Variants in SEL1L2 observed in about 807,000 individuals in gnomAD.
SEL1L2 encodes the protein protein sel-1 homolog 2.
A neutral mutation model predicts 98.8 loss-of-function variants in SEL1L2; 89 were observed. That is an observed-to-expected ratio of 0.90 (90% CI 0.76 to 1.07). The LOEUF (loss-of-function observed/expected upper bound fraction) is 1.07, where lower values mean the gene tolerates loss of function less well. Ranked by LOEUF, SEL1L2 falls within the 50% of genes least tolerant of loss-of-function variation. SEL1L2 has a pLI of 0.00. For synonymous variants in SEL1L2, 262 were observed against 278.5 expected (o/e 0.94, Z 0.59); for missense variants, 788 against 812.0 (o/e 0.97, Z 0.36).
rs746494155 is a variant in SEL1L2, at chr20:13,886,313, G to C, written c.875C>G (p.Ala292Gly). The C allele has an allele frequency of 1.1e-5, 17 of 1,610,092 alleles. No homozygotes were observed. The South Asian group carries it at 1.9e-4, about 18-fold the overall frequency. ...WDIYQYYKFL[A>G]ERGDVQIQVS... is the part of the protein sequence containing the mutation. ...TTGTATCTGAACATCTCCTCTTTCTGCCAAAAATTTATAGTATTGGTATAT... is the reference window on the plus strand; with the variant it reads ...TTGTATCTGAACATCTCCTCTTTCTCCCAAAAATTTATAGTATTGGTATAT... The change falls in exon 9 of 20, where the codon GCA becomes GGA. Residue 292 changes from alanine (A) to glycine (G), a missense_variant. Transcript: ENST00000284951.
chr20:13,871,380 CA>C (rs1228540948), intron 12 of SEL1L2, among the ~76,000 whole-genome samples: 1 of 152,098 alleles, frequency 6.6e-6, no homozygotes, highest in African/African-American at 2.4e-5. Flanking sequence ...TGATATTTAG[CA>C]TATCAATTTT....
At chr20:13,858,414 G>C (rs575468422) in intron 18 of SEL1L2, among the ~76,000 whole-genome samples, 7 of 151,888 alleles carry the variant, frequency 4.6e-5, no homozygotes, top group Admixed American at 4.6e-4. Flanking sequence ...TCAAATTCTG[G>C]CTCCACCATT....
chr20:13,867,782 CT>C (rs2045996949), intron 14 of SEL1L2, among the ~76,000 whole-genome samples: 1 of 152,154 alleles, frequency 6.6e-6, no homozygotes, highest in South Asian at 2.1e-4. Context: ...ATTCTAGAAA[CT>C]TGGGAAATCT....
chr20:13,849,856 C>T (rs757382045), intron 19 of SEL1L2, among the ~76,000 whole-genome samples: 13 of 152,184 alleles, frequency 8.5e-5, no homozygotes, highest in Admixed American at 2.0e-4. Flanking sequence ...TATCCCTTGC[C>T]ACCTGCCGTC....
At chr20:13,954,619 C>T (rs1455039928) in intron 2 of SEL1L2, among the ~76,000 whole-genome samples, 2 of 152,106 alleles carry the variant, frequency 1.3e-5, no homozygotes, top group African/African-American at 4.8e-5. Context: ...TTGTCCCAGG[C>T]TTTACAAGGT....
chr20:13,922,895 G>A (rs1490913733), intron 3 of SEL1L2, among the ~76,000 whole-genome samples: 2 of 152,098 alleles, frequency 1.3e-5, no homozygotes, highest in Non-Finnish European at 2.9e-5. Context: ...GAGAAATGCA[G>A]CACAGAGCAT....
intron 2 of SEL1L2, among the ~76,000 whole-genome samples, chr20:13,948,418 C>A (rs2050116296): frequency 6.6e-6 from 1 of 151,900 alleles, no homozygotes; most frequent in South Asian, 2.1e-4. Flanking sequence ...ACATATAGAC[C>A]AATGGAATAG....
chr20:13,910,535 C>T (rs1298414777), intron 5 of SEL1L2, among the ~76,000 whole-genome samples: 3 of 152,226 alleles, frequency 2.0e-5, no homozygotes, highest in Non-Finnish European at 4.4e-5. Context: ...AACCTCTTCT[C>T]TGCCACCACA....
chr20:13,855,334 C>G (rs904834825), intron 18 of SEL1L2, among the ~76,000 whole-genome samples: 2 of 151,430 alleles, frequency 1.3e-5, no homozygotes, highest in Non-Finnish European at 2.9e-5. Flanking sequence ...GAAGTCTGGA[C>G]TTCATTTAGC....
At chr20:13,905,686 T>A (rs2047895455) in intron 5 of SEL1L2, among the ~76,000 whole-genome samples, 1 of 152,084 alleles carries the variant, frequency 6.6e-6, no homozygotes, top group African/African-American at 2.4e-5. Flanking sequence ...ATTTGGTCCT[T>A]TTCTAAGATA....
At chr20:13,882,651 TGA>T (rs1443811128) in intron 10 of SEL1L2, among the ~76,000 whole-genome samples, 1 of 152,208 alleles carries the variant, frequency 6.6e-6, no homozygotes, top group East Asian at 1.9e-4. Context: ...TAAGATTAGC[TGA>T]GCCTGGCCCA....
At chr20:13,872,889 G>T (rs1173265348) in intron 12 of SEL1L2, among the ~76,000 whole-genome samples, 1 of 152,152 alleles carries the variant, frequency 6.6e-6, no homozygotes, top group East Asian at 1.9e-4. Context: ...TGGAGTCCCT[G>T]CCCTGTGTGA....
At chr20:13,962,448 A>G (rs1163694076) in intron 1 of SEL1L2, among the ~76,000 whole-genome samples, 1 of 152,220 alleles carries the variant, frequency 6.6e-6, no homozygotes, top group Non-Finnish European at 1.5e-5. Flanking sequence ...ATGTGGACAG[A>G]GAGGCCCAGC....
At chr20:13,855,320 A>G (rs1988973882) in intron 18 of SEL1L2, among the ~76,000 whole-genome samples, 1 of 152,174 alleles carries the variant, frequency 6.6e-6, no homozygotes, top group Non-Finnish European at 1.5e-5. Context: ...TTGAATGTGG[A>G]ATAGAAGTCT....
intron 18 of SEL1L2, among the ~76,000 whole-genome samples, chr20:13,858,906 C>T (rs1305420847): frequency 6.6e-6 from 1 of 152,020 alleles, no homozygotes; most frequent in African/African-American, 2.4e-5. Context: ...AGCTTGAGAA[C>T]CAGTGGAAAT....
chr20:13,871,713 T>C lies in SEL1L2; in HGVS notation c.1105-1510A>G, dbSNP rs182577329. ...TTTTAATAGAGATGGGGTTTCATCATGTTGGCCAGGCAGGTCTCAAACTCC... is the reference window on the plus strand; with the variant it reads ...TTTTAATAGAGATGGGGTTTCATCACGTTGGCCAGGCAGGTCTCAAACTCC... On this transcript the variant is annotated intron_variant, in intron 12 of 19. Transcript: ENST00000284951. Among the ~76,000 whole-genome samples, 3 of 152,204 alleles carry C rather than the reference T, an allele frequency of 2.0e-5. No homozygotes were observed. In the East Asian group the frequency reaches 5.8e-4, roughly 29 times the overall value.
intron 1 of SEL1L2, among the ~76,000 whole-genome samples, chr20:13,977,111 G>A (rs540937361): frequency 6.6e-6 from 1 of 152,278 alleles, no homozygotes; most frequent in South Asian, 2.1e-4. Context: ...AACAAATGTT[G>A]ATTTAAGGAA....
At chr20:13,862,290 T>C (rs1290133103) in intron 17 of SEL1L2, among the ~76,000 whole-genome samples, 1 of 152,204 alleles carries the variant, frequency 6.6e-6, no homozygotes, top group Non-Finnish European at 1.5e-5. Flanking sequence ...GTCTTTGAAG[T>C]CCACTTAGGG....
At chr20:13,872,450 A>G (rs528294563) in intron 12 of SEL1L2, among the ~76,000 whole-genome samples, 1 of 152,160 alleles carries the variant, frequency 6.6e-6, no homozygotes, top group East Asian at 1.9e-4. Flanking sequence ...CCGCCATGTG[A>G]AGAAGGACGT....
Sources: gnomAD v4.1 joint callset for allele counts (sites outside exome capture counted in the v4.1 genomes callset) on GRCh38, gnomAD v4.1.1 for gene constraint, MANE v1.5 for transcripts, NCBI Gene and HGNC (gene_info 2026-07-23, HGNC 2026-07-21) for gene names.